RIN1: variants seen among roughly 807,000 people sequenced by gnomAD.
The protein encoded by RIN1 is ras inhibitor 1.
Under a neutral mutation model 64.9 loss-of-function variants are expected in RIN1, and 52 were observed. The observed-to-expected ratio is 0.80, with a 90% CI of 0.64 to 1.01. The LOEUF (loss-of-function observed/expected upper bound fraction) is 1.01, where lower values mean the gene tolerates loss of function less well. Ranked by LOEUF, RIN1 falls within the 50% of genes least tolerant of loss-of-function variation. The probability of loss-of-function intolerance (pLI) is 0.00; values close to 1 mark genes in which losing one functional copy is unlikely to be tolerated. For missense variants in RIN1, 1,040 were observed against 1,064.5 expected, an observed-to-expected ratio of 0.98 and a Z score of 0.32; for synonymous variants, 486 against 483.6, an observed-to-expected ratio of 1.00 and a Z score of -0.06.
intron 9 of RIN1, 134 bp from the exon 10 acceptor site, chr11:66,332,886 G>T: frequency 1.4e-6 from 1 of 732,208 alleles, no homozygotes; most frequent in Admixed American, 2.8e-5. Context: ...AGAACCAAGC[G>T]GCAAAAGCTC....
At chr11:66,336,221 C>T (rs1398868972) in intron 1 of RIN1, 63 bp from the exon 2 acceptor site, 2 of 1,497,896 alleles carry the variant, frequency 1.3e-6, no homozygotes, top group Admixed American at 2.1e-5. Context: ...TCTCCTCTTC[C>T]CCACTCCCGG....
Position 66,334,052 on chromosome 11 carries a change from C to T in RIN1, c.1458G>A (p.Leu486=), listed in dbSNP as rs376465097. 3.2e-6 allele frequency: 5 copies of T among 1,573,600 alleles called. No homozygotes were observed. The African/African-American group carries it at 5.4e-5, about 17-fold the overall frequency. The change falls in exon 7 of 10, where the codon CTG becomes CTA. Residue 486 remains leucine, a synonymous_variant. Coordinates refer to ENST00000311320, the MANE Select transcript of RIN1 (RefSeq NM_004292.3). ...CTTGCTCCAACTCTACTGGGGAGGG[C>T]AGGCTCAGGTGGGACCCGAAGGCTC... The part of the protein sequence containing the change: ...GPGAFGSHLS[L]PSPVELEQVR...
Position 66,333,248 on chromosome 11 carries a change from G to A in RIN1, c.1875+10C>T. The A allele has an allele frequency of 1.9e-6, 3 of 1,609,360 alleles. No individual in the cohort carries two copies. The highest frequency in any genetic ancestry group is 2.5e-6 in the Non-Finnish European group (3 of 1,179,908). ...GTCTGGCTCTGAGGACACGGTGGAG[G>A]GCCTGTTACCTGGAAGCAGTGGGTG... On this transcript the variant is annotated intron_variant, in intron 9 of 9. Transcript: ENST00000311320.
At position 66,336,047 on chromosome 11, in the gene RIN1, C is replaced by T; in HGVS notation, c.198G>A (p.Arg66=). 1 of 1,468,448 alleles carries T rather than the reference C, an allele frequency of 6.8e-7. No individual in the cohort carries two copies. Among genetic ancestry groups the T allele is most frequent in the Non-Finnish European group, 9.0e-7 (1 of 1,109,428 alleles). 91.0% of individuals were successfully genotyped at this position (1,468,448 alleles called of 1,614,324 possible). A position where few individuals can be genotyped will look rare whatever the true frequency, so the allele number is the denominator to read the frequency against. Residue 66 remains arginine, a synonymous_variant, in exon 2 of 10, where the codon CGG becomes CGA. Transcript: ENST00000311320. The part of the protein sequence containing the change: ...VSLRERLLLT[R]PVWLQLQANA... ...TGGCTTGCAGCTGCAGCCACACGGG[C>T]CGGGTGAGCAGCAGGCGCTCCCGCA...
chr11:66,335,802 G>A lies in RIN1; in HGVS notation c.342C>T (p.Pro114=). The A allele has an allele frequency of 1.1e-5, 17 of 1,610,610 alleles. No individual in the cohort carries two copies. Among genetic ancestry groups the A allele is most frequent in the Non-Finnish European group, 1.4e-5 (17 of 1,177,676 alleles). ...GGATGTAGTGGCTGGAGACGAAGGA[G>A]GGGCCACTGGCTTCAGGCAACCGCA... is the stretch of plus-strand genomic sequence containing the variant. The part of the protein sequence containing the change: ...LCMRLPEASG[P]SFVSSHYILE... The change falls in exon 3 of 10, where the codon CCC becomes CCT. Residue 114 remains proline, a synonymous_variant. Transcript: ENST00000311320.
chr11:66,333,799 A>C (rs1411974954), intron 7 of RIN1, 120 bp downstream of exon 7: 2 of 1,413,146 alleles, frequency 1.4e-6, no homozygotes, highest in Non-Finnish European at 1.9e-6. Flanking sequence ...CATCTGCAAG[A>C]GGGGAGGGTG....
chr11:66,333,657 C>T lies in RIN1; in HGVS notation c.1593G>A (p.Gly531=). The change falls in exon 8 of 10, where the codon GGG becomes GGA. Residue 531 remains glycine (G), a splice_region_variant and synonymous_variant. Coordinates refer to ENST00000311320, the MANE Select transcript of RIN1 (RefSeq NM_004292.3). ...LLYMALRTQE[G]EGAGADEFLP... is the part of the protein sequence containing the mutation. ...GGAACTCGTCGGCACCCGCGCCCTC[C>T]CCTGTGGGGACATGGTGAGAGGAAG... 8 of 1,610,090 alleles carry T rather than the reference C, an allele frequency of 5.0e-6. No individual in the cohort carries two copies. The South Asian group carries it at 5.5e-5, about 11-fold the overall frequency.
rs762098647 is a variant in RIN1, at chr11:66,336,423, C to G, written c.-21G>C. On this transcript the variant is annotated 5_prime_UTR_variant, in exon 1 of 10. Coordinates refer to ENST00000311320, the MANE Select transcript of RIN1 (RefSeq NM_004292.3). ...TCCATGGCTGGGAGCTCCTTCGCTT[C>G]AGGAAGAGAATCCAGTCCCAAGGCA... 6.2e-7 allele frequency: 1 copy of G among 1,605,430 alleles called. No homozygotes were observed. The highest frequency in any genetic ancestry group is 8.5e-7 in the Non-Finnish European group (1 of 1,175,452).
chr11:66,334,439 G>T, intron 6 of RIN1, 75 bp downstream of exon 6: 1 of 1,542,672 alleles, frequency 6.5e-7, no homozygotes, highest in Non-Finnish European at 8.8e-7. Context: ...AACAGAATCA[G>T]ACAGGCTGGC....
At position 66,335,743 on chromosome 11, in the gene RIN1, C is replaced by G. The variant is rs755986584; in HGVS notation, c.382+19G>C. The stretch of plus-strand genomic sequence containing the variant: ...AACCTCCCTGCTTCCAGCCCCTTCC[C>G]GCCAGGCCAGCCCCTCACCGCCAGG... On this transcript the variant is annotated intron_variant, in intron 3 of 9. Transcript: ENST00000311320. 1 of 1,612,264 alleles carries G rather than the reference C, an allele frequency of 6.2e-7. No individual in the cohort carries two copies. Among genetic ancestry groups the G allele is most frequent in the Non-Finnish European group, 8.5e-7 (1 of 1,179,202 alleles).
intron 9 of RIN1, 81 bp from the exon 10 acceptor site, chr11:66,332,833 T>C (rs1338527883): frequency 9.0e-7 from 1 of 1,105,074 alleles, no homozygotes; most frequent in Admixed American, 2.3e-5. Context: ...ATCAGCTTTC[T>C]GGGCTGTGCA....
Position 66,334,570 on chromosome 11 carries a change from CG to C in RIN1, c.1228del (p.Arg410GlyfsTer4), listed in dbSNP as rs1565200849. ...GCCCAGCTCCGCACTCAGCATGGCC[CG>C]GGCCCGGCTCAGCGCCTGACGGATG... ...QGIRQALSRA[R>X]AMLSAELGPE... On this transcript the variant is annotated frameshift_variant, in exon 6 of 10. Coordinates refer to ENST00000311320, the MANE Select transcript of RIN1 (RefSeq NM_004292.3). LOFTEE classifies it high-confidence loss of function. 5 of 1,586,732 alleles carry C rather than the reference CG, an allele frequency of 3.2e-6. No individual in the cohort carries two copies. In the East Asian group the frequency reaches 1.1e-4, roughly 36 times the overall value.
chr11:66,336,450 G>GGCAC, upstream of RIN1: 1 of 1,526,304 alleles, frequency 6.6e-7, no homozygotes, highest in Non-Finnish European at 9.0e-7. Flanking sequence ...CCCAAGGCAA[G>GGCAC]GCACGCACAT....
Position 66,333,651 on chromosome 11 carries a change from G to A in RIN1, c.1599C>T (p.Gly533=), listed in dbSNP as rs746526244. 8.1e-6 allele frequency: 13 copies of A among 1,611,494 alleles called. No homozygotes were observed. Among genetic ancestry groups the A allele is most frequent in the African/African-American group, 8.0e-5 (6 of 74,836 alleles). The change falls in exon 8 of 10, where the codon GGC becomes GGT. Residue 533 remains glycine (G), a synonymous_variant. Transcript: ENST00000311320. The stretch of plus-strand genomic sequence containing the variant: ...GAGGCAGGAACTCGTCGGCACCCGC[G>A]CCCTCCCCTGTGGGGACATGGTGAG... ...YMALRTQEGE[G]AGADEFLPLL...
Position 66,333,612 on chromosome 11 carries a change from G to A in RIN1, c.1638C>T (p.Val546=). Residue 546 remains valine, a synonymous_variant, in exon 8 of 10, where the codon GTC becomes GTT. Transcript: ENST00000311320. The part of the protein sequence containing the change: ...ADEFLPLLSL[V]LAHCDLPELL... ...GCTCAGGAAGGTCACAGTGGGCCAA[G>A]ACGAGGCTCAGCAGAGGCAGGAACT... The A allele has an allele frequency of 6.2e-7, 1 of 1,613,248 alleles. No individual in the cohort carries two copies.
chr11:66,334,086 T>TGGGCCC lies in RIN1; in HGVS notation c.1418_1423dup (p.Arg473_Ala474dup). On this transcript the variant is annotated inframe_insertion, in exon 7 of 10. Transcript: ENST00000311320. ...GTGGGACCCGAAGGCTCCGGGGCCC[T>TGGGCCC]GGGCCCGGGCCAGGCGGAGGCCCTC... is the stretch of plus-strand genomic sequence containing the variant. 3 of 1,564,408 alleles carry TGGGCCC rather than the reference T, an allele frequency of 1.9e-6. No homozygotes were observed. Among genetic ancestry groups the TGGGCCC allele is most frequent in the Non-Finnish European group, 1.7e-6 (2 of 1,155,006 alleles).
chr11:66,334,892 G>A lies in RIN1; in HGVS notation c.907C>T (p.Pro303Ser), dbSNP rs771470684. ...VGYRVPAGSG[P>S]SLPPMPSLQE... ...AGGGAGGGCATAGGCGGAAGGCTAGGGCCACTGCCTGCTGGCACGCGGTAC... is the reference window on the plus strand; with the variant it reads ...AGGGAGGGCATAGGCGGAAGGCTAGAGCCACTGCCTGCTGGCACGCGGTAC... Residue 303 changes from proline to serine, a missense_variant, in exon 6 of 10, where the codon CCT (proline) becomes TCT (serine). Physicochemically the swap from Pro to Ser is moderately conservative, Grantham distance 74 (BLOSUM62 -1). Transcript: ENST00000311320. 1.3e-6 allele frequency: 2 copies of A among 1,576,146 alleles called. No homozygotes were observed. The highest frequency in any genetic ancestry group is 1.1e-5 in the South Asian group (1 of 87,398).
Position 66,335,227 on chromosome 11 carries a change from A to G in RIN1, c.572T>C (p.Ile191Thr), listed in dbSNP as rs1297516490. The G allele has an allele frequency of 1.4e-5, 22 of 1,576,130 alleles. No individual in the cohort carries two copies. Among genetic ancestry groups the G allele is most frequent in the Non-Finnish European group, 1.9e-5 (22 of 1,171,646 alleles). ...TCCAGCCGGGCCCCGCTGAGCCTTG[A>G]TGTTGAGGGAGGAGCTCCAGAACTC... ...GIEFWSSSLN[I>T]KAQRGPAGGP... Residue 191 changes from isoleucine (I) to threonine (T), a missense_variant, in exon 6 of 10, where the codon ATC becomes ACC. By Grantham distance (89) the Ile-to-Thr change is moderately conservative. Coordinates refer to ENST00000311320, the MANE Select transcript of RIN1 (RefSeq NM_004292.3).
chr11:66,334,284 G>T, intron 6 of RIN1, 60 bp from the exon 7 acceptor site: 1 of 1,341,378 alleles, frequency 7.5e-7, no homozygotes, highest in South Asian at 1.5e-5. Context: ...CAGAGGCAAG[G>T]GGAGAAGGGA....
Sources: gnomAD v4.1 joint callset for allele counts on GRCh38, gnomAD v4.1.1 for gene constraint, MANE v1.5 for transcripts, NCBI Gene and HGNC (gene_info 2026-07-23, HGNC 2026-07-21) for gene names.